Variants in ANKRD10 observed in about 807,000 individuals in gnomAD.
ANKRD10 encodes the protein ankyrin repeat domain 10.
ANKRD10 carries 14 observed loss-of-function variants against 27.0 expected under a neutral mutation model. The ratio of observed to expected loss-of-function variants is 0.52; its 90% CI spans 0.34 to 0.81. ANKRD10 has a LOEUF of 0.81. Ranked by LOEUF, ANKRD10 falls within the 40% of genes least tolerant of loss-of-function variation. The probability of loss-of-function intolerance (pLI) is 0.01; values close to 1 mark genes in which losing one functional copy is unlikely to be tolerated. For synonymous variants in ANKRD10, 250 were observed against 224.5 expected (o/e 1.11, Z -1.01); for missense variants, 493 against 544.0 (o/e 0.91, Z 0.93).
At chr13:110,905,651 A>G (rs1328963302) in intron 3 of ANKRD10, among the ~76,000 whole-genome samples, 1 of 152,240 alleles carries the variant, frequency 6.6e-6, no homozygotes, top group Non-Finnish European at 1.5e-5. Flanking sequence ...AGATATTTTA[A>G]TCCAATCCAA....
At chr13:110,909,451 C>T (rs9521989) in intron 2 of ANKRD10, among the ~76,000 whole-genome samples, 40,860 of 152,094 alleles carry the variant, frequency 0.27, 6,845 homozygotes, top group Non-Finnish European at 0.38. Flanking sequence ...AGACAAGCAA[C>T]AGAGCAGCAG....
intron 1 of ANKRD10, among the ~76,000 whole-genome samples, chr13:110,912,693 G>C (rs2065753735): frequency 6.6e-6 from 1 of 152,196 alleles, no homozygotes; most frequent in Non-Finnish European, 1.5e-5. Context: ...TCTTACCAAC[G>C]GTTAGGGGAT....
In ANKRD10 at chr13:110,879,870, ACTCAGGGTTAGCT is replaced by A; in HGVS notation, c.1017_1029del (p.Arg339SerfsTer8). 6.2e-7 allele frequency: 1 copy of A among 1,614,170 alleles called. No homozygotes were observed. Among genetic ancestry groups the A allele is most frequent in the Non-Finnish European group, 8.5e-7 (1 of 1,180,028 alleles). On this transcript the variant is annotated frameshift_variant, in exon 6 of 6. Coordinates refer to ENST00000267339, the MANE Select transcript of ANKRD10 (RefSeq NM_017664.4). LOFTEE classifies it low-confidence loss of function (END_TRUNC). ...CCGTTCAGGTGCAGAGAACCGCACA[ACTCAGGGTTAGCT>A]CTCAGGGTCTTCTCTGGCTCCTCAG...
intron 1 of ANKRD10, among the ~76,000 whole-genome samples, chr13:110,914,353 C>G (rs1056911517): frequency 3.3e-5 from 5 of 152,112 alleles, no homozygotes; most frequent in Non-Finnish European, 5.9e-5. Context: ...GCCTCCGGCC[C>G]GGCCTGGAGG....
rs2065128285 is a variant in ANKRD10, at chr13:110,893,133, C to CATTTAA, written c.580_585dup (p.Leu194_Asn195dup). ...TTAGGAAATACATTCTGATGACCCCCATTTAAGATGCCATTGTTATAGAAA... is the reference window on the plus strand; with the variant it reads ...TTAGGAAATACATTCTGATGACCCCCATTTAAATTTAAGATGCCATTGTTATAGAAA... On this transcript the variant is annotated inframe_insertion, in exon 4 of 6. Transcript: ENST00000267339. The CATTTAA allele has an allele frequency of 6.2e-7, 1 of 1,614,058 alleles. No individual in the cohort carries two copies. The highest frequency in any genetic ancestry group is 8.5e-7 in the Non-Finnish European group (1 of 1,180,036).
chr13:110,885,008 G>C (rs938138638), intron 4 of ANKRD10, among the ~76,000 whole-genome samples: 4 of 151,808 alleles, frequency 2.6e-5, no homozygotes, highest in African/African-American at 9.7e-5. Flanking sequence ...ATGGGGGAGA[G>C]AAACAGAACA....
At chr13:110,890,540 T>C (rs1046533066) in intron 4 of ANKRD10, among the ~76,000 whole-genome samples, 1 of 152,156 alleles carries the variant, frequency 6.6e-6, no homozygotes, top group African/African-American at 2.4e-5. Context: ...TCCAGGAAAT[T>C]AGTAAAGTCA....
chr13:110,904,081 G>C (rs574100559), intron 3 of ANKRD10: 1 of 152,174 alleles, frequency 6.6e-6, no homozygotes, highest in South Asian at 2.1e-4. Context: ...ATTTTATCTC[G>C]ATGTTAAAAC....
In ANKRD10 at chr13:110,906,115, C is replaced by G. The variant is rs2065524307; in HGVS notation, c.373G>C (p.Gly125Arg). 1 of 1,597,690 alleles carries G rather than the reference C, an allele frequency of 6.3e-7. No homozygotes were observed. Among genetic ancestry groups the G allele is most frequent in the African/African-American group, 1.3e-5 (1 of 74,800 alleles). The change falls in exon 3 of 6, where the codon GGT becomes CGT. Residue 125 changes from glycine (G) to arginine (R), a missense_variant. Physicochemically the swap from Gly to Arg is moderately radical, Grantham distance 125. Coordinates refer to ENST00000267339, the MANE Select transcript of ANKRD10 (RefSeq NM_017664.4). Reference protein sequence around the residue: ...GANINKPDCEGETPIHKAARS... With the variant: ...GANINKPDCERETPIHKAARS... ...GCTGCCTTGTGAATGGGAGTTTCAC[C>G]CTCACAATCCTGAAACAACAAAAAG...
chr13:110,911,024 ATATT>A (rs2065686224), intron 1 of ANKRD10, among the ~76,000 whole-genome samples: 1 of 152,206 alleles, frequency 6.6e-6, no homozygotes, highest in Non-Finnish European at 1.5e-5. Context: ...ACAGATTTAA[ATATT>A]TGTTTCCCTA....
At chr13:110,884,424 C>T (rs1203373317) in intron 4 of ANKRD10, among the ~76,000 whole-genome samples, 1 of 152,174 alleles carries the variant, frequency 6.6e-6, no homozygotes, top group Non-Finnish European at 1.5e-5. Context: ...CCATGTCATA[C>T]CCACGCTGCA....
chr13:110,895,502 G>A (rs767342678), intron 3 of ANKRD10, among the ~76,000 whole-genome samples: 2 of 152,056 alleles, frequency 1.3e-5, no homozygotes, highest in African/African-American at 2.4e-5. Context: ...CAGGAGAATC[G>A]CTTGAACCTG....
rs201363046 is a variant in ANKRD10 at position 110,910,684 on chromosome 13, T to A, written c.297A>T (p.Ala99=). Residue 99 remains alanine, a synonymous_variant, in exon 2 of 6, where the codon GCA becomes GCT. Coordinates refer to ENST00000267339, the MANE Select transcript of ANKRD10 (RefSeq NM_017664.4). ...GGCACTGAGGATGTCCCCCAAAGGC[T>A]GCAATGTGGGCTGGCGTCTGCGCGT... The part of the protein sequence containing the change: ...TRYAQTPAHI[A]AFGGHPQCLV... The A allele has an allele frequency of 6.2e-7, 1 of 1,614,154 alleles. No individual in the cohort carries two copies. Among genetic ancestry groups the A allele is most frequent in the Admixed American group, 1.7e-5 (1 of 60,026 alleles).
chr13:110,904,331 C>T lies in ANKRD10; in HGVS notation c.455+1702G>A, dbSNP rs150134261. 1.2e-4 allele frequency: 19 copies of T among 152,150 alleles called. No homozygotes were observed. The East Asian group carries it at 3.5e-3, about 28-fold the overall frequency. 9.4% of individuals were successfully genotyped at this position (152,150 alleles called of 1,614,324 possible). On this transcript the variant is annotated intron_variant, in intron 3 of 5. Coordinates refer to ENST00000267339, the MANE Select transcript of ANKRD10 (RefSeq NM_017664.4). ...TCAGCCACACCTGGTGGAAAAGAGA[C>T]ACTTGAGGGCCCTGTAACCAAGGAC...
intron 4 of ANKRD10, among the ~76,000 whole-genome samples, chr13:110,892,415 G>GAAAAAAAAAA (rs1381734881): frequency 1.5e-3 from 4 of 2,588 alleles, no homozygotes; most frequent in Non-Finnish European, 2.3e-3. Flanking sequence ...GGGTGACAGA[G>GAAAAAAAAAA]CAAAAAAAAA....
intron 5 of ANKRD10, 90 bp from the exon 6 acceptor site, chr13:110,880,202 G>T (rs554856176): frequency 3.5e-6 from 4 of 1,127,404 alleles, no homozygotes; most frequent in South Asian, 3.3e-5. Context: ...CAATTTTAAA[G>T]AATTTTAGTT....
intron 4 of ANKRD10, among the ~76,000 whole-genome samples, chr13:110,888,173 G>A (rs997523406): frequency 8.6e-5 from 13 of 151,312 alleles, no homozygotes; most frequent in African/African-American, 3.2e-4. Flanking sequence ...GGAAAGACCG[G>A]GGGGGACTGG....
chr13:110,888,059 C>T (rs966550307), intron 4 of ANKRD10, among the ~76,000 whole-genome samples: 7 of 152,066 alleles, frequency 4.6e-5, no homozygotes, highest in African/African-American at 1.4e-4. Context: ...TGACCTTTCG[C>T]GGGACCCGCC....
chr13:110,910,584 A>T, intron 2 of ANKRD10, 34 bp downstream of exon 2: 1 of 1,609,684 alleles, frequency 6.2e-7, no homozygotes, highest in Non-Finnish European at 8.5e-7. Flanking sequence ...AAGAAAAAGC[A>T]AAAGCAAACC....
Sources: allele counts gnomAD v4.1 joint callset (sites outside exome capture counted in the v4.1 genomes callset), GRCh38; gene constraint gnomAD v4.1.1; transcripts MANE v1.5; gene names NCBI Gene and HGNC (gene_info 2026-07-23, HGNC 2026-07-21).